Variants in OR8G1 observed in about 807,000 individuals in gnomAD.
The protein encoded by OR8G1 is olfactory receptor family 8 subfamily G member 1, also known as olfactory receptor 8G1.
For missense variants in OR8G1, 372 were observed against 356.2 expected, an observed-to-expected ratio of 1.04 and a Z score of -0.36; for synonymous variants, 129 against 133.3, an observed-to-expected ratio of 0.97 and a Z score of 0.22.
rs1189035654 is a variant in OR8G1 at position 124,249,008 on chromosome 11, G to T, written c.-16-652G>T. Reference sequence around the variant, plus strand: ...GTCAGAAAGCAAACATAGGCACTTTGAGTTTAAGGCCTGTCCATTTAACCA... The same window carrying T: ...GTCAGAAAGCAAACATAGGCACTTTTAGTTTAAGGCCTGTCCATTTAACCA... On this transcript the variant is annotated intron_variant, in intron 2 of 2. Transcript: ENST00000641972. Among the ~76,000 whole-genome samples the T allele has an allele frequency of 2.0e-5, 3 of 152,160 alleles. No individual in the cohort carries two copies. In the East Asian group the frequency reaches 5.8e-4, roughly 29 times the overall value.
intron 1 of OR8G1, among the ~76,000 whole-genome samples, chr11:124,241,967 G>A (rs771888712): frequency 6.6e-6 from 1 of 151,898 alleles, no homozygotes; most frequent in Non-Finnish European, 1.5e-5. Flanking sequence ...TCTGATTTCT[G>A]GTCCAGTGTA....
intron 1 of OR8G1, among the ~76,000 whole-genome samples, chr11:124,243,296 T>C (rs10128602): frequency 6.6e-6 from 1 of 152,004 alleles, no homozygotes; most frequent in Non-Finnish European, 1.5e-5. Flanking sequence ...TTTGTTCTTG[T>C]ATTAACAGAA....
chr11:124,243,734 G>A (rs1159955051), intron 1 of OR8G1, among the ~76,000 whole-genome samples: 2 of 151,954 alleles, frequency 1.3e-5, no homozygotes, highest in African/African-American at 4.8e-5. Context: ...TAGATTGAGA[G>A]TTCTATTAAA....
At chr11:124,249,600 A>C in intron 2 of OR8G1, 60 bp from the exon 3 acceptor site, 1 of 1,471,108 alleles carries the variant, frequency 6.8e-7, no homozygotes, top group Non-Finnish European at 9.0e-7. Context: ...TCAATGAAGA[A>C]TAATAAAGTC....
In OR8G1 at chr11:124,241,897, C is replaced by T. The variant is rs550403569; in HGVS notation, c.-97+533C>T. On this transcript the variant is annotated intron_variant, in intron 1 of 2. Transcript: ENST00000641972. ...ACAAGAGATAGCATGAATCTGTGTA[C>T]TTTATCCTAAGTGTAATTAAGGCAA... Among the ~76,000 whole-genome samples the T allele has an allele frequency of 3.3e-5, 5 of 152,108 alleles. No homozygotes were observed. In the South Asian group the frequency reaches 6.2e-4, roughly 19 times the overall value.
Position 124,252,149 on chromosome 11 carries a change from T to C in OR8G1, c.*1538T>C, listed in dbSNP as rs1428561293. On this transcript the variant is annotated 3_prime_UTR_variant, in exon 3 of 3. Transcript: ENST00000641972. ...CCGGGAACTCTAAAAACATGGCATG[T>C]ATAAAATTGAGCATACCAAGTAGAT... 1 of 152,166 alleles carries C rather than the reference T, an allele frequency of 6.6e-6. No individual in the cohort carries two copies. The highest frequency in any genetic ancestry group is 1.5e-5 in the Non-Finnish European group (1 of 68,032). The allele number at this position is 152,166 out of a possible 1,614,324, so 9.4% of individuals were successfully genotyped here.
chr11:124,246,930 C>T lies in OR8G1; in HGVS notation c.-96-871C>T, dbSNP rs559063548. Among the ~76,000 whole-genome samples the T allele has an allele frequency of 1.5e-4, 22 of 149,230 alleles. No individual in the cohort carries two copies. In the South Asian group the frequency reaches 3.2e-3, roughly 21 times the overall value. ...ATTCACTTCTGTATAATCCTTGCAA[C>T]GATGAAAAAACTGAAACAAAAATTA... On this transcript the variant is annotated intron_variant, in intron 1 of 2. Coordinates refer to ENST00000641972, the MANE Select transcript of OR8G1 (RefSeq NM_001002905.2).
chr11:124,249,480 C>A, intron 2 of OR8G1, 180 bp from the exon 3 acceptor site: 1 of 219,594 alleles, frequency 4.6e-6, no homozygotes, highest in Non-Finnish European at 7.7e-6. Context: ...AAATATTTTA[C>A]ATGAAACACA....
chr11:124,244,738 A>G lies in OR8G1; in HGVS notation c.-96-3063A>G, dbSNP rs986640418. 3.3e-5 allele frequency among the ~76,000 whole-genome samples: 5 copies of G among 151,930 alleles called. 1 individual carries two copies. Among genetic ancestry groups the G allele is most frequent in the Admixed American group, 3.3e-4 (5 of 15,194 alleles). ...AACCACCTTGAGTTTCTGGAGTACA[A>G]TATAACATATTGAGATCCAGTATCT... On this transcript the variant is annotated intron_variant, in intron 1 of 2. Coordinates refer to ENST00000641972, the MANE Select transcript of OR8G1 (RefSeq NM_001002905.2).
chr11:124,249,152 G>A (rs899961033), intron 2 of OR8G1, among the ~76,000 whole-genome samples: 1 of 151,978 alleles, frequency 6.6e-6, no homozygotes, highest in East Asian at 1.9e-4. Context: ...TATAGAGATT[G>A]TTTCATAGTA....
chr11:124,248,847 T>C (rs781351494), intron 2 of OR8G1, among the ~76,000 whole-genome samples: 8 of 152,134 alleles, frequency 5.3e-5, no homozygotes, highest in African/African-American at 7.2e-5. Flanking sequence ...ATGATGATCT[T>C]GCTTACTTTC....
intron 1 of OR8G1, among the ~76,000 whole-genome samples, chr11:124,242,107 A>T (rs1192622839): frequency 6.6e-6 from 1 of 151,494 alleles, no homozygotes; most frequent in East Asian, 1.9e-4. Context: ...ATTATACTTT[A>T]AGTTTTAGGG....
intron 1 of OR8G1, among the ~76,000 whole-genome samples, chr11:124,246,126 T>G (rs2137747105): frequency 6.6e-6 from 1 of 152,004 alleles, no homozygotes; most frequent in South Asian, 2.1e-4. Context: ...CTAGGTTTTC[T>G]TCTAGGGTTT....
In OR8G1 at chr11:124,250,271, T is replaced by C. The variant is rs200629834; in HGVS notation, c.596T>C (p.Ile199Thr). 1.0e-3 allele frequency: 1,670 copies of C among 1,613,774 alleles called. 1 individual carries two copies. The highest frequency in any genetic ancestry group is 1.4e-3 in the Admixed American group (84 of 59,932). ...CSSIYVNKLLILCVGAFNILV... is the reference protein window; with the variant it reads ...CSSIYVNKLLTLCVGAFNILV... The stretch of plus-strand genomic sequence containing the variant: ...AGTATCTATGTCAACAAACTACTTA[T>C]TCTATGTGTTGGTGCATTTAACATC... The change falls in exon 3 of 3, where the codon ATT becomes ACT. Residue 199 changes from isoleucine to threonine, a missense_variant. Physicochemically the swap from Ile to Thr is moderately conservative, Grantham distance 89 (BLOSUM62 -1). Coordinates refer to ENST00000641972, the MANE Select transcript of OR8G1 (RefSeq NM_001002905.2).
rs779779905 is a variant in OR8G1, at chr11:124,251,842, A to C, written c.*1231A>C. 1 of 153,378 alleles carries C rather than the reference A, an allele frequency of 6.5e-6. No individual in the cohort carries two copies. The highest frequency in any genetic ancestry group is 2.0e-4 in the South Asian group (1 of 5,016). The allele number at this position is 153,378 out of a possible 1,614,324, so 9.5% of individuals were successfully genotyped here. A position where few individuals can be genotyped will look rare whatever the true frequency, so the allele number is the denominator to read the frequency against. On this transcript the variant is annotated 3_prime_UTR_variant, in exon 3 of 3. Transcript: ENST00000641972. Reference sequence around the variant, plus strand: ...GCTATGTAGATATTTAGTGAATTTTATGATATATAAAATATACTTCAATAA... The same window carrying C: ...GCTATGTAGATATTTAGTGAATTTTCTGATATATAAAATATACTTCAATAA...
At position 124,250,672 on chromosome 11, in the gene OR8G1, T is replaced by C; in HGVS notation, c.*61T>C. On this transcript the variant is annotated 3_prime_UTR_variant, in exon 3 of 3. Transcript: ENST00000641972. ...GTAGTGGACTGTTACATTGTATGAA[T>C]GGATGTCTTTCACTTTAATGCATCT... 2.3e-6 allele frequency: 1 copy of C among 435,342 alleles called. No homozygotes were observed. The highest frequency in any genetic ancestry group is 3.7e-6 in the Non-Finnish European group (1 of 269,614). 27.0% of individuals were successfully genotyped at this position (435,342 alleles called of 1,614,324 possible). A position where few individuals can be genotyped will look rare whatever the true frequency, so the allele number is the denominator to read the frequency against.
intron 1 of OR8G1, among the ~76,000 whole-genome samples, chr11:124,244,547 C>G (rs1365727957): frequency 6.6e-6 from 1 of 151,706 alleles, no homozygotes; most frequent in African/African-American, 2.4e-5. Flanking sequence ...TATGGCACAT[C>G]TATATTGAGC....
At position 124,241,365 on chromosome 11, in the gene OR8G1, G is replaced by A. The variant is rs149932860; in HGVS notation, c.-97+1G>A. The A allele has an allele frequency of 9.2e-5, 14 of 152,276 alleles. No homozygotes were observed. Among genetic ancestry groups the A allele is most frequent in the African/African-American group, 3.1e-4 (13 of 41,564 alleles). 9.4% of individuals were successfully genotyped at this position (152,276 alleles called of 1,614,324 possible). On this transcript the variant is annotated splice_donor_variant, in intron 1 of 2. Transcript: ENST00000641972. LOFTEE classifies it low-confidence loss of function (5UTR_SPLICE). ...ATTGAAGTTTTTAGGCAGTGGAAAGGTGAGTGTTTTCATCCATCACTTGTG... is the reference window on the plus strand; with the variant it reads ...ATTGAAGTTTTTAGGCAGTGGAAAGATGAGTGTTTTCATCCATCACTTGTG...
Position 124,250,535 on chromosome 11 carries a change from C to G in OR8G1, c.860C>G (p.Pro287Arg). The G allele has an allele frequency of 8.4e-7, 1 of 1,189,934 alleles. No individual in the cohort carries two copies. The highest frequency in any genetic ancestry group is 1.1e-6 in the Non-Finnish European group (1 of 893,386). 73.7% of individuals were successfully genotyped at this position (1,189,934 alleles called of 1,614,324 possible). A position where few individuals can be genotyped will look rare whatever the true frequency, so the allele number is the denominator to read the frequency against. ...FYTIIVPMLN[P>R]LIYSLRNKDV... ...ACTATTATTGTGCCCATGTTGAACC[C>G]TCTGATTTATAGCCTGAGGAATAAA... The change falls in exon 3 of 3, where the codon CCT (proline) becomes CGT (arginine). Residue 287 changes from proline to arginine, a missense_variant. Coordinates refer to ENST00000641972, the MANE Select transcript of OR8G1 (RefSeq NM_001002905.2).
Sources: gnomAD v4.1 joint callset for allele counts (sites outside exome capture counted in the v4.1 genomes callset) on GRCh38, gnomAD v4.1.1 for gene constraint, MANE v1.5 for transcripts, NCBI Gene and HGNC (gene_info 2026-07-23, HGNC 2026-07-21) for gene names.